The following PCDH20 variants were observed in gnomAD, a reference collection of about 807,000 sequenced individuals.
The protein encoded by PCDH20 is protocadherin-20.
Under a neutral mutation model 39.7 loss-of-function variants are expected in PCDH20, and 18 were observed. The ratio of observed to expected loss-of-function variants is 0.45; its 90% CI spans 0.31 to 0.67. The LOEUF (loss-of-function observed/expected upper bound fraction) is 0.67, where lower values mean the gene tolerates loss of function less well. Among genes scored for constraint, PCDH20 ranks in the 30% least tolerant of loss-of-function variants. The probability of loss-of-function intolerance (pLI) is 0.05; values close to 1 mark genes in which losing one functional copy is unlikely to be tolerated. For missense variants in PCDH20, 1,161 were observed against 1,167.4 expected (o/e 0.99, Z 0.08); for synonymous variants, 495 against 455.4 (o/e 1.09, Z -1.11).
exon 2 of PCDH20, chr13:61,413,911 C>T: frequency 6.2e-7 from 1 of 1,613,306 alleles, no homozygotes; most frequent in Non-Finnish European, 8.5e-7. Context: ...GGTGGCCCGG[C>T]TGTAACTCCC....
chr13:61,411,345 C>T (rs758095964), exon 2 of PCDH20: 7 of 1,613,912 alleles, frequency 4.3e-6, no homozygotes, highest in African/African-American at 4.0e-5. Context: ...CCCTGGGATG[C>T]TTTTCCCCTT....
At chr13:61,411,228 T>C in exon 2 of PCDH20, 1 of 1,589,466 alleles carries the variant, frequency 6.3e-7, no homozygotes, top group Non-Finnish European at 8.6e-7. Context: ...CTCTGTGTTA[T>C]TCCACCATGA....
At chr13:61,411,983 T>G in exon 2 of PCDH20, 1 of 1,614,120 alleles carries the variant, frequency 6.2e-7, no homozygotes, top group Non-Finnish European at 8.5e-7. Context: ...GTATAGGAGC[T>G]TTGCTGCTCT....
In PCDH20 at chr13:61,413,646, G is replaced by T. The variant is rs772155579; in HGVS notation, c.453C>A (p.Ala151=). ...TCCCTCCACCCCCTTCAACACACAG[G>T]GCCTCCCTGTCGATCTCCTGAGCTG... Residue 151 remains alanine (A), a synonymous_variant, in exon 2 of 2, where the codon GCC becomes GCA. Transcript: ENST00000409204. 5 of 1,613,992 alleles carry T rather than the reference G, an allele frequency of 3.1e-6. No homozygotes were observed. In the East Asian group the frequency reaches 1.1e-4, roughly 36 times the overall value.
chr13:61,413,067 A>G, exon 2 of PCDH20: 1 of 1,614,210 alleles, frequency 6.2e-7, no homozygotes, highest in Admixed American at 1.7e-5. Flanking sequence ...CTTTATCCAC[A>G]GCCTGGACAG....
exon 2 of PCDH20, chr13:61,413,772 G>T (rs200750496): frequency 2.3e-5 from 37 of 1,613,588 alleles, no homozygotes; most frequent in Middle Eastern, 3.3e-4. Context: ...ACTCAGCACC[G>T]GTGCGCTCTG....
chr13:61,410,571 A>G (rs1878225344), exon 2 of PCDH20: 1 of 152,606 alleles, frequency 6.6e-6, no homozygotes, highest in Non-Finnish European at 1.5e-5. Flanking sequence ...CAATTCGAGT[A>G]CACAGAAAGT....
At chr13:61,412,400 T>C (rs1477034671) in exon 2 of PCDH20, 7 of 1,614,040 alleles carry the variant, frequency 4.3e-6, no homozygotes, top group Non-Finnish European at 5.9e-6. Flanking sequence ...ACTTGGCCTC[T>C]CTCCTCGCTG....
chr13:61,413,455 G>A (rs1286066617), exon 2 of PCDH20: 1 of 1,613,976 alleles, frequency 6.2e-7, no homozygotes, highest in Non-Finnish European at 8.5e-7. Context: ...GACCCACACC[G>A]AGATCTGGGA....
intron 1 of PCDH20, among the ~76,000 whole-genome samples, chr13:61,414,677 A>G (rs532374176): frequency 1.3e-5 from 2 of 152,130 alleles, no homozygotes; most frequent in South Asian, 4.2e-4. Context: ...AACGCGGAAA[A>G]TGGCTATGCA....
chr13:61,412,089 T>G, exon 2 of PCDH20: 1 of 1,614,174 alleles, frequency 6.2e-7, no homozygotes, highest in Non-Finnish European at 8.5e-7. Flanking sequence ...CCCATCCATT[T>G]CGTCCAGCGT....
At chr13:61,411,031 T>A in exon 2 of PCDH20, 1 of 411,628 alleles carries the variant, frequency 2.4e-6, no homozygotes, top group Non-Finnish European at 4.4e-6. Flanking sequence ...ACAAGTCCTA[T>A]AGCTGTTAGT....
exon 2 of PCDH20, chr13:61,413,819 T>A: frequency 6.2e-7 from 1 of 1,612,832 alleles, no homozygotes; most frequent in Non-Finnish European, 8.5e-7. Context: ...CCTGCAGACC[T>A]GGGCAGCAGC....
chr13:61,412,834 C>A, exon 2 of PCDH20: 1 of 1,613,920 alleles, frequency 6.2e-7, no homozygotes, highest in Non-Finnish European at 8.5e-7. Context: ...TTCAGGGGGT[C>A]TGAAAATAAC....
exon 2 of PCDH20, chr13:61,413,622 C>T: frequency 6.2e-7 from 1 of 1,614,218 alleles, no homozygotes; most frequent in Non-Finnish European, 8.5e-7. Context: ...TCCACGCAGT[C>T]CCTCCACCCC....
At position 61,412,097 on chromosome 13, in the gene PCDH20, C is replaced by T. The variant is rs201623253; in HGVS notation, c.2002G>A (p.Ala668Thr). ...AGGGCGACCCATCCATTTCGTCCAG[C>T]GTCAGCATCTGTTACACTAATTACT... Residue 668 changes from alanine to threonine, a missense_variant, in exon 2 of 2, where the codon GCT becomes ACT. Transcript: ENST00000409204. The T allele has an allele frequency of 2.7e-4, 440 of 1,614,076 alleles. 3 individuals carry two copies. The South Asian group carries it at 3.1e-3, about 11-fold the overall frequency.
exon 2 of PCDH20, chr13:61,410,412 A>G (rs1461214315): frequency 3.3e-5 from 5 of 152,234 alleles, no homozygotes; most frequent in Non-Finnish European, 7.4e-5. Flanking sequence ...CTATGAAGCA[A>G]CTAAAGATTG....
At chr13:61,410,044 C>T (rs1053031004) in exon 2 of PCDH20, 2 of 151,986 alleles carry the variant, frequency 1.3e-5, no homozygotes, top group African/African-American at 4.8e-5. Flanking sequence ...AGTGATAAAT[C>T]ACTGATGAAA....
At chr13:61,414,622 T>C (rs1174688310) in intron 1 of PCDH20, among the ~76,000 whole-genome samples, 1 of 152,092 alleles carries the variant, frequency 6.6e-6, no homozygotes, top group African/African-American at 2.4e-5. Context: ...TTCCACCCCT[T>C]ACCAAGCAGT....
Sources: allele counts gnomAD v4.1 joint callset (sites outside exome capture counted in the v4.1 genomes callset), GRCh38; gene constraint gnomAD v4.1.1; transcripts MANE v1.5; gene names NCBI Gene and HGNC (gene_info 2026-07-23, HGNC 2026-07-21).